The following MAGI1 variants were observed in gnomAD, a reference collection of about 807,000 sequenced individuals.
The protein encoded by MAGI1 is membrane-associated guanylate kinase, WW and PDZ domain-containing protein 1.
Under a neutral mutation model 139.9 loss-of-function variants are expected in MAGI1, and 58 were observed. The observed-to-expected ratio is 0.41, with a 90% CI of 0.34 to 0.52. The LOEUF is 0.52. Ranked by LOEUF, MAGI1 falls within the 20% of genes least tolerant of loss-of-function variation. The probability of loss-of-function intolerance (pLI) is 0.12; values close to 1 mark genes in which losing one functional copy is unlikely to be tolerated. For missense variants in MAGI1, 1,874 were observed against 1,901.6 expected, an observed-to-expected ratio of 0.99 and a Z score of 0.27; for synonymous variants, 812 against 737.9, an observed-to-expected ratio of 1.10 and a Z score of -1.63.
chr3:65,977,978 T>C (rs2065350539), intron 1 of MAGI1, among the ~76,000 whole-genome samples: 1 of 152,218 alleles, frequency 6.6e-6, no homozygotes, highest in African/African-American at 2.4e-5. Flanking sequence ...AGGCCTTCCC[T>C]GACCAGTGCA....
intron 22 of MAGI1, chr3:65,359,575 G>C: frequency 2.0e-6 from 2 of 987,028 alleles, no homozygotes; most frequent in African/African-American, 3.8e-5. Context: ...TACAAAAATA[G>C]CCTCACAGAG....
At chr3:65,978,071 G>A (rs959003077) in intron 1 of MAGI1, among the ~76,000 whole-genome samples, 8 of 152,000 alleles carry the variant, frequency 5.3e-5, no homozygotes, top group East Asian at 1.9e-4. Flanking sequence ...TGCCTATTAC[G>A]TGCCATATGT....
chr3:65,717,047 T>C (rs189266109), intron 1 of MAGI1, among the ~76,000 whole-genome samples: 1 of 152,270 alleles, frequency 6.6e-6, no homozygotes, highest in East Asian at 1.9e-4. Context: ...GTAAAGGACC[T>C]TGAGATGGAG....
chr3:65,898,900 T>A (rs567272586), intron 1 of MAGI1, among the ~76,000 whole-genome samples: 1 of 152,174 alleles, frequency 6.6e-6, no homozygotes, highest in Non-Finnish European at 1.5e-5. Flanking sequence ...GTAAATATAT[T>A]TTTAAATAAT....
chr3:65,364,165 T>TAAAA (rs555186167), intron 20 of MAGI1, among the ~76,000 whole-genome samples: 9 of 89,446 alleles, frequency 1.0e-4, no homozygotes, highest in African/African-American at 2.7e-4. Context: ...CCCTGTCTCT[T>TAAAA]AAAAAAAAAA....
chr3:65,492,373 T>A (rs778762118), intron 3 of MAGI1, among the ~76,000 whole-genome samples: 4 of 152,264 alleles, frequency 2.6e-5, no homozygotes. Flanking sequence ...AAATGATACA[T>A]CCATGTCATT....
At chr3:65,430,380 A>G (rs534987669) in intron 11 of MAGI1, among the ~76,000 whole-genome samples, 1 of 151,978 alleles carries the variant, frequency 6.6e-6, no homozygotes, top group African/African-American at 2.4e-5. Flanking sequence ...CTTTCTCCTA[A>G]AAAAAAATCT....
At chr3:65,371,941 C>G in intron 18 of MAGI1, 1 of 442,944 alleles carries the variant, frequency 2.3e-6, no homozygotes, top group South Asian at 1.6e-5. Context: ...GCTTCTTCCT[C>G]CACTGAAGTC....
chr3:65,957,534 AGAAAAAG>A (rs2064192068), intron 1 of MAGI1, among the ~76,000 whole-genome samples: 2 of 33,732 alleles, frequency 5.9e-5, no homozygotes, highest in South Asian at 4.4e-3. Context: ...AAAAAAAAAA[AGAAAAAG>A]AAAAGAAAAA....
chr3:65,867,480 A>C (rs2059769762), intron 1 of MAGI1, among the ~76,000 whole-genome samples: 2 of 152,138 alleles, frequency 1.3e-5, no homozygotes, highest in Admixed American at 1.3e-4. Flanking sequence ...CACGCCTGTA[A>C]TCCTAGCACT....
intron 1 of MAGI1, among the ~76,000 whole-genome samples, chr3:65,918,942 A>C (rs1328956576): frequency 3.3e-5 from 5 of 152,118 alleles, no homozygotes; most frequent in Admixed American, 6.5e-5. Context: ...CAAAAAAAAA[A>C]CAAACAAACA....
chr3:65,653,378 T>G (rs1256501034), intron 1 of MAGI1, among the ~76,000 whole-genome samples: 3 of 152,176 alleles, frequency 2.0e-5, no homozygotes, highest in Non-Finnish European at 4.4e-5. Context: ...AAAAGACGAA[T>G]CTGATTGCCT....
chr3:65,716,735 A>G (rs772503316), intron 1 of MAGI1, among the ~76,000 whole-genome samples: 11 of 152,222 alleles, frequency 7.2e-5, no homozygotes, highest in African/African-American at 1.9e-4. Flanking sequence ...TCTGCATTCA[A>G]TGAGTACACA....
intron 10 of MAGI1, among the ~76,000 whole-genome samples, chr3:65,433,595 A>G (rs764920663): frequency 4.6e-5 from 7 of 152,116 alleles, no homozygotes; most frequent in Admixed American, 6.6e-5. Flanking sequence ...GTAATTTTCT[A>G]AGATCCTAAC....
Position 65,395,636 on chromosome 3 carries a change from C to CAAAAAAAAAAAAAAAAAAAAA in MAGI1, c.2200-4299_2200-4279dup, listed in dbSNP as rs58806140. On this transcript the variant is annotated intron_variant, in intron 13 of 22. Transcript: ENST00000402939. Reference sequence around the variant, plus strand: ...TGGGTGACAGAGCGAGACTCCATCTCAAAAAAAAAAAAAAAAAAAAAGAGG... The same window carrying CAAAAAAAAAAAAAAAAAAAAA: ...TGGGTGACAGAGCGAGACTCCATCTCAAAAAAAAAAAAAAAAAAAAAAAAAAAAAAAAAAAAAAAAAAGAGG... Among the ~76,000 whole-genome samples the CAAAAAAAAAAAAAAAAAAAAA allele has an allele frequency of 2.5e-3, 48 of 19,166 alleles. 7 individuals carry two copies. The highest frequency in any genetic ancestry group is 5.9e-3 in the East Asian group (4 of 674). 12.6% of individuals were successfully genotyped at this position (19,166 alleles called of 152,430 possible). A position where few individuals can be genotyped will look rare whatever the true frequency, so the allele number is the denominator to read the frequency against.
At chr3:65,523,636 G>C (rs1282782118) in intron 2 of MAGI1, among the ~76,000 whole-genome samples, 1 of 152,074 alleles carries the variant, frequency 6.6e-6, no homozygotes, top group East Asian at 1.9e-4. Context: ...GAATTTCAAG[G>C]GAAATCTTGA....
At chr3:65,500,271 C>T (rs566850542) in intron 2 of MAGI1, among the ~76,000 whole-genome samples, 2 of 152,216 alleles carry the variant, frequency 1.3e-5, no homozygotes, top group South Asian at 4.2e-4. Flanking sequence ...TTAAGTACCT[C>T]CAAGATTTGT....
chr3:65,934,017 C>T (rs2062929619), intron 1 of MAGI1, among the ~76,000 whole-genome samples: 1 of 152,066 alleles, frequency 6.6e-6, no homozygotes, highest in African/African-American at 2.4e-5. Flanking sequence ...ATCCCAGCTA[C>T]TCGGGAGGCT....
intron 1 of MAGI1, among the ~76,000 whole-genome samples, chr3:65,692,855 A>G (rs1018503516): frequency 6.6e-6 from 1 of 152,176 alleles, no homozygotes; most frequent in Non-Finnish European, 1.5e-5. Context: ...CTCACAAACA[A>G]GAAGGTATTC....
Sources: allele counts gnomAD v4.1 joint callset (sites outside exome capture counted in the v4.1 genomes callset), GRCh38; gene constraint gnomAD v4.1.1; transcripts MANE v1.5; gene names NCBI Gene and HGNC (gene_info 2026-07-23, HGNC 2026-07-21).